Variants in TLL1 observed in about 807,000 individuals in gnomAD.
TLL1 encodes the protein tolloid-like protein 1.
Under a neutral mutation model 128.2 loss-of-function variants are expected in TLL1, and 49 were observed. The ratio of observed to expected loss-of-function variants is 0.38; its 90% CI spans 0.30 to 0.48. The LOEUF (loss-of-function observed/expected upper bound fraction) is 0.48, where lower values mean the gene tolerates loss of function less well. Among genes scored for constraint, TLL1 ranks in the 20% least tolerant of loss-of-function variants. The pLI, the probability that TLL1 is intolerant of heterozygous loss-of-function variation, is 0.96. For missense variants in TLL1, 1,123 were observed against 1,242.0 expected (o/e 0.90, Z 1.44); for synonymous variants, 454 against 418.8 (o/e 1.08, Z -1.03).
At chr4:166,050,001 A>G (rs1053012387) in intron 12 of TLL1, among the ~76,000 whole-genome samples, 1 of 152,156 alleles carries the variant, frequency 6.6e-6, no homozygotes, top group African/African-American at 2.4e-5. Flanking sequence ...TACATTAGCT[A>G]TGTTTTAAAG....
chr4:166,027,068 A>G (rs1333470509), intron 9 of TLL1, among the ~76,000 whole-genome samples: 3 of 152,228 alleles, frequency 2.0e-5, no homozygotes, highest in Non-Finnish European at 4.4e-5. Flanking sequence ...GTAAAAAAGA[A>G]TGAACTCATG....
chr4:166,038,250 T>C (rs904349424), intron 9 of TLL1, among the ~76,000 whole-genome samples: 2 of 152,180 alleles, frequency 1.3e-5, no homozygotes, highest in Non-Finnish European at 2.9e-5. Flanking sequence ...TCTTTTTTTC[T>C]TCCTTCCTTT....
intron 1 of TLL1, among the ~76,000 whole-genome samples, chr4:165,905,193 T>G: frequency 6.6e-6 from 1 of 152,226 alleles, no homozygotes; most frequent in East Asian, 1.9e-4. Context: ...GCGATCCAGC[T>G]ATCCCATTCG....
At chr4:166,078,121 T>A (rs1348246240) in intron 18 of TLL1, 91 bp downstream of exon 18, 8 of 1,581,838 alleles carry the variant, frequency 5.1e-6, no homozygotes, top group Non-Finnish European at 6.9e-6. Context: ...GTTTATCTAA[T>A]TGAATCGAAT....
intron 5 of TLL1, among the ~76,000 whole-genome samples, chr4:165,999,794 A>G (rs575074348): frequency 6.6e-6 from 1 of 152,264 alleles, no homozygotes; most frequent in South Asian, 2.1e-4. Context: ...TATTAAATCA[A>G]AACAAAAAAG....
intron 18 of TLL1, among the ~76,000 whole-genome samples, chr4:166,083,213 G>T (rs1741369845): frequency 1.5e-5 from 1 of 65,160 alleles, no homozygotes; most frequent in Non-Finnish European, 5.0e-5. Flanking sequence ...CTTTAGGCAG[G>T]GTGGGAAAAT....
At chr4:166,041,991 T>C in intron 10 of TLL1, 36 bp from the exon 11 acceptor site, 2 of 1,397,442 alleles carry the variant, frequency 1.4e-6, no homozygotes, top group Non-Finnish European at 2.0e-6. Context: ...TAGAGTCCTA[T>C]TTAGGAGTTT....
intron 9 of TLL1, among the ~76,000 whole-genome samples, chr4:166,038,765 A>G (rs1739110271): frequency 6.6e-6 from 1 of 152,174 alleles, no homozygotes; most frequent in South Asian, 2.1e-4. Context: ...ATCTAGAGAA[A>G]CATAGTGACA....
intron 17 of TLL1, among the ~76,000 whole-genome samples, chr4:166,077,650 C>A (rs938372143): frequency 2.6e-5 from 4 of 152,104 alleles, no homozygotes; most frequent in Admixed American, 2.6e-4. Flanking sequence ...AATAAAAGTT[C>A]ATTTTCTTTT....
At chr4:165,992,284 T>C (rs1049344551) in intron 2 of TLL1, among the ~76,000 whole-genome samples, 1 of 152,114 alleles carries the variant, frequency 6.6e-6, no homozygotes, top group South Asian at 2.1e-4. Context: ...ATTTTCAAAA[T>C]GCAGTTGAAT....
At position 165,967,183 on chromosome 4, in the gene TLL1, C is replaced by T. The variant is rs987974275; in HGVS notation, c.170-22198C>T. Among the ~76,000 whole-genome samples, 5 of 152,292 alleles carry T rather than the reference C, an allele frequency of 3.3e-5. No homozygotes were observed. In the South Asian group the frequency reaches 1.0e-3, roughly 32 times the overall value. On this transcript the variant is annotated intron_variant, in intron 1 of 20. Transcript: ENST00000061240. Reference sequence around the variant, plus strand: ...TGTTCTGTCTGGCCCCTCGGGCAGTCAGGCCCAATGGTTATCTCCCTCGTT... The same window carrying T: ...TGTTCTGTCTGGCCCCTCGGGCAGTTAGGCCCAATGGTTATCTCCCTCGTT...
In TLL1 at chr4:166,007,950, G is replaced by T. The variant is rs17590218; in HGVS notation, c.819G>T (p.Glu273Asp). 6 of 1,607,578 alleles carry T rather than the reference G, an allele frequency of 3.7e-6. No homozygotes were observed. Among genetic ancestry groups the T allele is most frequent in the Non-Finnish European group, 5.1e-6 (6 of 1,174,970 alleles). Residue 273 changes from glutamate (E) to aspartate (D), a missense_variant, in exon 7 of 21, where the codon GAG (glutamate) becomes GAT (aspartate). Transcript: ENST00000061240. ...TTTATCCCTGGTTCTTAGGTCAAGA[G>T]TACAATTTTCTGAAGATGGAGCCTG... Reference protein sequence around the residue: ...IIRENIQPGQEYNFLKMEPGE... With the variant: ...IIRENIQPGQDYNFLKMEPGE...
chr4:165,903,765 AAAT>A (rs887555239), intron 1 of TLL1, among the ~76,000 whole-genome samples: 41 of 150,988 alleles, frequency 2.7e-4, no homozygotes, highest in Admixed American at 5.3e-4. Context: ...ACACACACAC[AAAT>A]AATAATAATA....
At chr4:166,033,033 A>C (rs1368118997) in intron 9 of TLL1, among the ~76,000 whole-genome samples, 1 of 152,130 alleles carries the variant, frequency 6.6e-6, no homozygotes, top group Admixed American at 6.5e-5. Flanking sequence ...TGAACTAACA[A>C]TAATTTGTCA....
At chr4:165,954,417 A>T (rs1734679129) in intron 1 of TLL1, among the ~76,000 whole-genome samples, 1 of 152,128 alleles carries the variant, frequency 6.6e-6, no homozygotes, top group African/African-American at 2.4e-5. Context: ...ATGACCACAA[A>T]CTTAATAATA....
At chr4:165,964,597 G>T (rs1030138891) in intron 1 of TLL1, among the ~76,000 whole-genome samples, 1 of 152,136 alleles carries the variant, frequency 6.6e-6, no homozygotes, top group African/African-American at 2.4e-5. Context: ...ACCTCCGAGG[G>T]TTGTTGTATG....
intron 12 of TLL1, among the ~76,000 whole-genome samples, chr4:166,044,792 T>C (rs1311115219): frequency 6.6e-6 from 1 of 152,208 alleles, no homozygotes; most frequent in East Asian, 1.9e-4. Context: ...TTTTGTGATA[T>C]TTCAAGAATT....
rs763821227 is a variant in TLL1 at position 166,099,456 on chromosome 4, T to C, written c.2836T>C (p.Tyr946His). ...FEVEEEADCG[Y>H]DYVELFDGLD... ...AGTGGAGGAAGAAGCAGACTGTGGC[T>C]ATGACTATGTGGAGCTCTTTGATGG... The change falls in exon 20 of 21, where the codon TAT becomes CAT. Residue 946 changes from tyrosine (Y) to histidine (H), a missense_variant. Physicochemically the swap from Tyr to His is moderately conservative, Grantham distance 83. Transcript: ENST00000061240. The C allele has an allele frequency of 1.2e-6, 2 of 1,613,520 alleles. No individual in the cohort carries two copies. The highest frequency in any genetic ancestry group is 1.7e-6 in the Non-Finnish European group (2 of 1,179,650).
At chr4:165,889,147 T>C (rs1055593544) in intron 1 of TLL1, among the ~76,000 whole-genome samples, 10 of 152,228 alleles carry the variant, frequency 6.6e-5, no homozygotes, top group African/African-American at 2.4e-4. Flanking sequence ...GAAACAGCAG[T>C]CATTAACATG....
Sources: gnomAD v4.1 joint callset for allele counts (sites outside exome capture counted in the v4.1 genomes callset) on GRCh38, gnomAD v4.1.1 for gene constraint, MANE v1.5 for transcripts, NCBI Gene and HGNC (gene_info 2026-07-23, HGNC 2026-07-21) for gene names.